Variants in LUZP2 observed in about 807,000 individuals in gnomAD.
LUZP2 encodes the protein leucine zipper protein 2.
LUZP2 carries 52 observed loss-of-function variants against 51.6 expected under a neutral mutation model. The ratio of observed to expected loss-of-function variants is 1.01; its 90% CI spans 0.81 to 1.27. LUZP2 has a LOEUF of 1.27. Ranked by LOEUF, LUZP2 falls within the 50% of genes most tolerant of loss-of-function variation. The probability of loss-of-function intolerance (pLI) is 0.00; values close to 1 mark genes in which losing one functional copy is unlikely to be tolerated. For missense variants in LUZP2, 436 were observed against 395.4 expected, an observed-to-expected ratio of 1.10 and a Z score of -0.87; for synonymous variants, 154 against 137.3, an observed-to-expected ratio of 1.12 and a Z score of -0.85.
At chr11:24,643,095 A>G (rs1295135518) in intron 1 of LUZP2, among the ~76,000 whole-genome samples, 3 of 151,936 alleles carry the variant, frequency 2.0e-5, no homozygotes, top group African/African-American at 7.2e-5. Context: ...CTCAATTATC[A>G]GAGTTGAAAA....
At chr11:24,902,784 A>C (rs1214918828) in intron 5 of LUZP2, among the ~76,000 whole-genome samples, 1 of 152,204 alleles carries the variant, frequency 6.6e-6, no homozygotes, top group Non-Finnish European at 1.5e-5. Flanking sequence ...TTTGAAGGAT[A>C]AAAGTTAGTA....
chr11:24,904,361 C>A (rs553655529), intron 5 of LUZP2, among the ~76,000 whole-genome samples: 14 of 152,118 alleles, frequency 9.2e-5, no homozygotes, highest in Non-Finnish European at 1.8e-4. Flanking sequence ...CGGCTCACTG[C>A]AAGCTCTGCC....
intron 10 of LUZP2, among the ~76,000 whole-genome samples, chr11:25,059,610 T>C (rs1286195823): frequency 6.6e-6 from 1 of 152,176 alleles, no homozygotes; most frequent in Non-Finnish European, 1.5e-5. Flanking sequence ...ATTGATCTGA[T>C]GTTTCTGCCT....
At chr11:24,605,171 A>T (rs1853874308) in intron 1 of LUZP2, among the ~76,000 whole-genome samples, 1 of 151,848 alleles carries the variant, frequency 6.6e-6, no homozygotes, top group South Asian at 2.1e-4. Context: ...TTGAAATTAT[A>T]TTTCACAGAG....
At chr11:24,896,617 G>A (rs1009651668) in intron 5 of LUZP2, among the ~76,000 whole-genome samples, 1 of 152,118 alleles carries the variant, frequency 6.6e-6, no homozygotes, top group African/African-American at 2.4e-5. Context: ...CAGCCTCCCT[G>A]ACAGGCGCTG....
At chr11:24,626,792 A>G (rs923393389) in intron 1 of LUZP2, among the ~76,000 whole-genome samples, 2 of 152,160 alleles carry the variant, frequency 1.3e-5, no homozygotes, top group African/African-American at 4.8e-5. Context: ...TCAACATTAA[A>G]CTAATTAATA....
intron 4 of LUZP2, among the ~76,000 whole-genome samples, chr11:24,743,885 AG>A (rs1345438081): frequency 2.0e-5 from 3 of 152,156 alleles, no homozygotes; most frequent in East Asian, 3.9e-4. Context: ...ATTTTGCTGA[AG>A]GTTTTAATCA....
At chr11:24,741,519 G>A (rs186117341) in intron 4 of LUZP2, among the ~76,000 whole-genome samples, 64 of 151,882 alleles carry the variant, frequency 4.2e-4, no homozygotes, top group Non-Finnish European at 8.7e-4. Flanking sequence ...CATCAGCCAA[G>A]CAGTATACAC....
At chr11:24,893,719 T>C (rs116369218) in intron 5 of LUZP2, among the ~76,000 whole-genome samples, 4,103 of 151,736 alleles carry the variant, frequency 0.027, 180 homozygotes, top group African/African-American at 0.09. Flanking sequence ...ATATACTTTT[T>C]TCATTTCCAT....
Position 25,080,558 on chromosome 11 carries a change from G to A in LUZP2, c.*1900G>A, listed in dbSNP as rs1209960924. Reference sequence around the variant, plus strand: ...GACTAGGATAAAATAAAAGATGAAGGTCTGAGGTTTCTTCTGACTCCTTCA... The same window carrying A: ...GACTAGGATAAAATAAAAGATGAAGATCTGAGGTTTCTTCTGACTCCTTCA... On this transcript the variant is annotated 3_prime_UTR_variant, in exon 12 of 12. Coordinates refer to ENST00000336930, the MANE Select transcript of LUZP2 (RefSeq NM_001009909.4). 2 of 152,112 alleles carry A rather than the reference G, an allele frequency of 1.3e-5. No homozygotes were observed. Among genetic ancestry groups the A allele is most frequent in the Non-Finnish European group, 2.9e-5 (2 of 68,024 alleles). 9.4% of individuals were successfully genotyped at this position (152,112 alleles called of 1,614,324 possible). A position where few individuals can be genotyped will look rare whatever the true frequency, so the allele number is the denominator to read the frequency against.
intron 1 of LUZP2, among the ~76,000 whole-genome samples, chr11:24,540,730 G>A (rs1396788630): frequency 3.3e-5 from 5 of 152,022 alleles, no homozygotes; most frequent in Admixed American, 2.6e-4. Context: ...GGAACATGGG[G>A]GAGGATGTAC....
chr11:24,799,588 C>CAA lies in LUZP2; in HGVS notation c.396+36293_396+36294dup, dbSNP rs35759489. Among the ~76,000 whole-genome samples, 305 of 140,778 alleles carry CAA rather than the reference C, an allele frequency of 2.2e-3. 1 individual carries two copies. The highest frequency in any genetic ancestry group is 5.4e-3 in the South Asian group (24 of 4,458). 92.4% of individuals were successfully genotyped at this position (140,778 alleles called of 152,430 possible). The stretch of plus-strand genomic sequence containing the variant: ...CCTGGGTGACAGAGCAAGACTGTTT[C>CAA]AAAAAAAAAAAAAATGAAAAATGCA... On this transcript the variant is annotated intron_variant, in intron 5 of 11. Coordinates refer to ENST00000336930, the MANE Select transcript of LUZP2 (RefSeq NM_001009909.4).
At chr11:24,915,804 T>A (rs1004264692) in intron 7 of LUZP2, among the ~76,000 whole-genome samples, 1 of 151,310 alleles carries the variant, frequency 6.6e-6, no homozygotes, top group Non-Finnish European at 1.5e-5. Context: ...TAAAAAAAAA[T>A]GGTAAAAACC....
intron 9 of LUZP2, among the ~76,000 whole-genome samples, chr11:25,015,662 G>A (rs1351457741): frequency 1.3e-5 from 2 of 152,064 alleles, no homozygotes; most frequent in Admixed American, 1.3e-4. Context: ...CGACAGAGGT[G>A]TGGTACATTT....
chr11:25,043,809 T>A (rs944661932), intron 9 of LUZP2, among the ~76,000 whole-genome samples: 1 of 147,978 alleles, frequency 6.8e-6, no homozygotes, highest in African/African-American at 2.5e-5. Flanking sequence ...TGTCACATTA[T>A]GTAAAAAGTA....
rs200425971 is a variant in LUZP2 at position 25,081,031 on chromosome 11, T to TTTG, written c.*2375_*2376insGTT. On this transcript the variant is annotated 3_prime_UTR_variant, in exon 12 of 12. Coordinates refer to ENST00000336930, the MANE Select transcript of LUZP2 (RefSeq NM_001009909.4). ...CAAGTGGGCTTTGGATCCATATGATTTTTTTTTTTTTTTTTTTTTGAGATG... is the reference window on the plus strand; with the variant it reads ...CAAGTGGGCTTTGGATCCATATGATTTTGTTTTTTTTTTTTTTTTTTTGAGATG... 2.2e-3 allele frequency: 261 copies of TTTG among 117,454 alleles called. 7 individuals are homozygous for TTTG. Among genetic ancestry groups the TTTG allele is most frequent in the African/African-American group, 0.011 (252 of 22,524 alleles). The allele number at this position is 117,454 out of a possible 1,614,324, so 7.3% of individuals were successfully genotyped here. A position where few individuals can be genotyped will look rare whatever the true frequency, so the allele number is the denominator to read the frequency against.
intron 1 of LUZP2, among the ~76,000 whole-genome samples, chr11:24,607,341 CTTTT>C (rs57741208): frequency 6.3e-5 from 4 of 63,416 alleles, no homozygotes; most frequent in Non-Finnish European, 1.2e-4. Flanking sequence ...GATATTATGT[CTTTT>C]TTTTTTTTTT....
rs141261711 is a variant in LUZP2 at position 24,504,390 on chromosome 11, T to C, written c.62+7085T>C. Among the ~76,000 whole-genome samples the C allele has an allele frequency of 1.1e-3, 175 of 152,344 alleles. 2 individuals carry two copies. The highest frequency in any genetic ancestry group is 3.9e-3 in the African/African-American group (163 of 41,596). The stretch of plus-strand genomic sequence containing the variant: ...CACAGTTTGTGTGATGATGTAGTTA[T>C]AGATATATAACATTTTTAGGTTCAG... On this transcript the variant is annotated intron_variant, in intron 1 of 11. Coordinates refer to ENST00000336930, the MANE Select transcript of LUZP2 (RefSeq NM_001009909.4).
At chr11:24,580,678 A>C (rs898621251) in intron 1 of LUZP2, among the ~76,000 whole-genome samples, 1 of 152,128 alleles carries the variant, frequency 6.6e-6, no homozygotes, top group Non-Finnish European at 1.5e-5. Flanking sequence ...TGAATTATTC[A>C]ATACTTAATG....
Sources: gnomAD v4.1 joint callset for allele counts (sites outside exome capture counted in the v4.1 genomes callset) on GRCh38, gnomAD v4.1.1 for gene constraint, MANE v1.5 for transcripts, NCBI Gene and HGNC (gene_info 2026-07-23, HGNC 2026-07-21) for gene names.